The following EVC variants were observed in gnomAD, a reference collection of about 807,000 sequenced individuals.
EVC encodes EvC ciliary complex subunit 1.
A neutral mutation model predicts 118.9 loss-of-function variants in EVC; 116 were observed. The observed-to-expected ratio is 0.98, with a 90% CI of 0.84 to 1.14. The LOEUF is 1.14. Ranked by LOEUF, EVC falls within the 50% of genes most tolerant of loss-of-function variation. EVC has a pLI of 0.00. For synonymous variants in EVC, 619 were observed against 534.7 expected (o/e 1.16, Z -2.18); for missense variants, 1,401 against 1,246.4 (o/e 1.12, Z -1.87).
chr4:5,792,862 C>T (rs536205108), intron 12 of EVC, among the ~76,000 whole-genome samples: 49 of 152,148 alleles, frequency 3.2e-4, no homozygotes, highest in African/African-American at 1.2e-3. Flanking sequence ...TGTATAAGGG[C>T]TTAAGGGAGA....
At chr4:5,735,449 A>G (rs1560303427) in intron 5 of EVC, among the ~76,000 whole-genome samples, 1 of 152,166 alleles carries the variant, frequency 6.6e-6, no homozygotes, top group Non-Finnish European at 1.5e-5. Context: ...AGGCTTAAAT[A>G]AAATATCCTT....
chr4:5,786,516 C>A (rs1361191464), intron 12 of EVC, among the ~76,000 whole-genome samples: 1 of 152,098 alleles, frequency 6.6e-6, no homozygotes, highest in East Asian at 1.9e-4. Context: ...TAAGTATGAC[C>A]CAAGACTGTT....
chr4:5,766,515 A>T (rs1045692530), intron 11 of EVC, among the ~76,000 whole-genome samples: 29 of 120,400 alleles, frequency 2.4e-4, no homozygotes, highest in African/African-American at 9.7e-4. Context: ...ACTTGGTTCC[A>T]TTCTCCCCAT....
intron 17 of EVC, among the ~76,000 whole-genome samples, chr4:5,806,246 A>AT (rs1715889740): frequency 6.6e-6 from 1 of 151,040 alleles, no homozygotes; most frequent in Non-Finnish European, 1.5e-5. Context: ...TGCCCAGCTA[A>AT]TTTTTTTGTA....
In EVC at chr4:5,758,417, T is replaced by A. The variant is rs137993966; in HGVS notation, c.1563+2055T>A. 8.1e-3 allele frequency: 2,578 copies of A among 318,588 alleles called. 50 individuals are homozygous for A. The highest frequency in any genetic ancestry group is 6.9e-3 in the Non-Finnish European group (1,206 of 175,386). 19.7% of individuals were successfully genotyped at this position (318,588 alleles called of 1,614,324 possible). A position where few individuals can be genotyped will look rare whatever the true frequency, so the allele number is the denominator to read the frequency against. On this transcript the variant is annotated intron_variant, in intron 11 of 20. Transcript: ENST00000264956. Reference sequence around the variant, plus strand: ...AAGTGCCTCTTGAGTATTTGATTATTTAATTCTCATGAGATTCATGAGGAA... The same window carrying A: ...AAGTGCCTCTTGAGTATTTGATTATATAATTCTCATGAGATTCATGAGGAA...
the EVC span, chr4:5,825,984 C>T: frequency 2.6e-6 from 1 of 385,616 alleles, no homozygotes; most frequent in African/African-American, 2.3e-5. This position sits in a 1 kb window ranked among gnomAD's most constrained non-coding sequence, Gnocchi z 4.4. Flanking sequence ...AACAGGCCTA[C>T]ACAGTAGCAT....
rs1042659387 is a variant in EVC at position 5,743,303 on chromosome 4, G to A, written c.801+1489G>A. Among the ~76,000 whole-genome samples, 2 of 152,132 alleles carry A rather than the reference G, an allele frequency of 1.3e-5. No individual in the cohort carries two copies. The highest frequency in any genetic ancestry group is 1.9e-4 in the East Asian group (1 of 5,192). On this transcript the variant is annotated intron_variant, in intron 6 of 20. Coordinates refer to ENST00000264956, the MANE Select transcript of EVC (RefSeq NM_153717.3). This position sits in a 1 kb window ranked among gnomAD's most constrained non-coding sequence, Gnocchi z 4.7. ...TGTGATCAGAAAACAAGTCCTGCCA[G>A]TCTCCTACCTCACCTTATCCTCACC... is the stretch of plus-strand genomic sequence containing the variant.
chr4:5,777,945 G>A (rs1276400608), intron 11 of EVC, among the ~76,000 whole-genome samples: 2 of 151,800 alleles, frequency 1.3e-5, no homozygotes, highest in African/African-American at 2.4e-5. Flanking sequence ...CCACTAACTC[G>A]TCATCTAGCA....
Position 5,756,129 on chromosome 4 carries a change from T to C in EVC, c.1465-135T>C. The C allele has an allele frequency of 1.4e-6, 1 of 718,512 alleles. No homozygotes were observed. The allele number at this position is 718,512 out of a possible 1,614,324, so 44.5% of individuals were successfully genotyped here. ...GCCATGTGACAGCCCCATGCCTCAGTTTCCTTGTGTGTAATACAGGTGCCA... is the reference window on the plus strand; with the variant it reads ...GCCATGTGACAGCCCCATGCCTCAGCTTCCTTGTGTGTAATACAGGTGCCA... On this transcript the variant is annotated intron_variant, in intron 10 of 20. Coordinates refer to ENST00000264956, the MANE Select transcript of EVC (RefSeq NM_153717.3). This position sits in a 1 kb window ranked among gnomAD's most constrained non-coding sequence, Gnocchi z 4.2.
chr4:5,748,933 A>G (rs922804500), intron 8 of EVC, among the ~76,000 whole-genome samples: 3 of 107,654 alleles, frequency 2.8e-5, no homozygotes, highest in Non-Finnish European at 7.0e-5. Flanking sequence ...TGGGCCCCAG[A>G]TGGGTCTCCA....
chr4:5,800,861 G>A (rs867716731), intron 15 of EVC, among the ~76,000 whole-genome samples: 35 of 141,752 alleles, frequency 2.5e-4, no homozygotes, highest in African/African-American at 7.3e-4. Flanking sequence ...TCCGCGCCGC[G>A]CCACACCTGT....
At chr4:5,748,007 A>C (rs901223421) in intron 7 of EVC, 141 bp from the exon 8 acceptor site, 2 of 955,096 alleles carry the variant, frequency 2.1e-6, no homozygotes, top group East Asian at 5.2e-5. Context: ...ATTGTTGCCA[A>C]GATAAACTCA....
intron 14 of EVC, 124 bp downstream of exon 14, chr4:5,797,356 C>A: frequency 1.2e-6 from 1 of 815,374 alleles, no homozygotes; most frequent in Non-Finnish European, 2.0e-6. Context: ...GTGCGGTATT[C>A]ATTCGCCGGG....
chr4:5,822,087 T>G, the EVC span, among the ~76,000 whole-genome samples: 1 of 152,228 alleles, frequency 6.6e-6, no homozygotes, highest in African/African-American at 2.4e-5. Flanking sequence ...GTGGTGTTCT[T>G]GTCAAAATCC....
At chr4:5,730,266 G>C (rs1340077634) in intron 3 of EVC, among the ~76,000 whole-genome samples, 1 of 152,182 alleles carries the variant, frequency 6.6e-6, no homozygotes, top group Non-Finnish European at 1.5e-5. Flanking sequence ...CAACATGTTA[G>C]GATCTTGTCA....
rs1577373158 is a variant in EVC at position 5,734,857 on chromosome 4, G to T, written c.702+1422G>T. Reference sequence around the variant, plus strand: ...GTCCCTGGATGGGGGCCACCAGGCAGCCTGTGTCCAGCTTTCCTCAGTGAG... The same window carrying T: ...GTCCCTGGATGGGGGCCACCAGGCATCCTGTGTCCAGCTTTCCTCAGTGAG... On this transcript the variant is annotated intron_variant, in intron 5 of 20. Transcript: ENST00000264956. 2.0e-5 allele frequency among the ~76,000 whole-genome samples: 3 copies of T among 152,194 alleles called. No homozygotes were observed. In the East Asian group the frequency reaches 5.8e-4, roughly 29 times the overall value.
chr4:5,817,305 C>T (rs572065438), downstream of EVC, among the ~76,000 whole-genome samples: 8 of 152,302 alleles, frequency 5.3e-5, no homozygotes, highest in African/African-American at 1.9e-4. Context: ...AAGCTACCCA[C>T]GTGGTGTTTG....
At chr4:5,770,091 G>A (rs1454192231) in intron 11 of EVC, among the ~76,000 whole-genome samples, 16 of 152,068 alleles carry the variant, frequency 1.1e-4, no homozygotes, top group Admixed American at 5.9e-4. Flanking sequence ...AGAGCTTCTG[G>A]GTGTCCTCTC....
In EVC at chr4:5,798,588, G is replaced by C. The variant is rs1560427625; in HGVS notation, c.2100G>C (p.Glu700Asp). Reference sequence around the variant, plus strand: ...GCTCCCAGTCCTTTCCCTCCCAGGAGGCGCGTGTGCTGGAGGAGGCCAGCC... The same window carrying C: ...GCTCCCAGTCCTTTCCCTCCCAGGACGCGCGTGTGCTGGAGGAGGCCAGCC... ...EHQWQLLRAL[E>D]ARVLEEASRL... The change falls in exon 15 of 21, where the codon GAG (glutamate) becomes GAC (aspartate). Residue 700 changes from glutamate to aspartate, a missense_variant and splice_region_variant. Transcript: ENST00000264956. This position sits in a 1 kb window ranked among gnomAD's most constrained non-coding sequence, Gnocchi z 4.1. 1.3e-6 allele frequency: 2 copies of C among 1,561,562 alleles called. No individual in the cohort carries two copies. The highest frequency in any genetic ancestry group is 1.7e-6 in the Non-Finnish European group (2 of 1,153,942).
Sources: gnomAD v4.1 joint callset for allele counts (sites outside exome capture counted in the v4.1 genomes callset) on GRCh38, gnomAD v4.1.1 for gene constraint, Gnocchi (gnomAD v3.1) non-coding constraint, MANE v1.5 for transcripts, NCBI Gene and HGNC (gene_info 2026-07-23, HGNC 2026-07-21) for gene names.